Variants in ZNF675 observed in about 807,000 individuals in gnomAD.
The protein encoded by ZNF675 is zinc finger protein 675.
A neutral mutation model predicts 56.1 loss-of-function variants in ZNF675; 36 were observed. The observed-to-expected ratio is 0.64, with a 90% CI of 0.49 to 0.85. The LOEUF is 0.85. Among genes scored for constraint, ZNF675 ranks in the 40% least tolerant of loss-of-function variants. The pLI is 0.00. For synonymous variants in ZNF675, 200 were observed against 218.9 expected (o/e 0.91, Z 0.76); for missense variants, 663 against 654.2 (o/e 1.01, Z -0.15).
At position 23,653,032 on chromosome 19, in the gene ZNF675, T is replaced by C; in HGVS notation, c.*194A>G. 1.9e-6 allele frequency: 1 copy of C among 534,760 alleles called. No homozygotes were observed. Among genetic ancestry groups the C allele is most frequent in the Non-Finnish European group, 3.2e-6 (1 of 313,850 alleles). The allele number at this position is 534,760 out of a possible 1,614,324, so 33.1% of individuals were successfully genotyped here. A position where few individuals can be genotyped will look rare whatever the true frequency, so the allele number is the denominator to read the frequency against. Reference sequence around the variant, plus strand: ...TAAGTATAAACGCTTTCCTGTGCAATAAGGTTTGAGCCTTAATTAACAGTA... The same window carrying C: ...TAAGTATAAACGCTTTCCTGTGCAACAAGGTTTGAGCCTTAATTAACAGTA... On this transcript the variant is annotated 3_prime_UTR_variant, in exon 4 of 4. Coordinates refer to ENST00000359788, the MANE Select transcript of ZNF675 (RefSeq NM_138330.3).
intron 1 of ZNF675, among the ~76,000 whole-genome samples, chr19:23,664,062 A>G (rs1179238930): frequency 6.6e-6 from 1 of 152,214 alleles, no homozygotes; most frequent in Non-Finnish European, 1.5e-5. Context: ...TGACTATCAT[A>G]AGAGTTTTTA....
At position 23,653,220 on chromosome 19, in the gene ZNF675, T is replaced by C. The variant is rs754511317; in HGVS notation, c.*6A>G. 18 of 1,554,318 alleles carry C rather than the reference T, an allele frequency of 1.2e-5. No homozygotes were observed. Among genetic ancestry groups the C allele is most frequent in the Non-Finnish European group, 1.6e-5 (18 of 1,154,092 alleles). On this transcript the variant is annotated 3_prime_UTR_variant, in exon 4 of 4. Transcript: ENST00000359788. Reference sequence around the variant, plus strand: ...AGAAAAATTTGAGGTGTTGTCAAAATCATTATCACACATTCCAGTTCTGTA... The same window carrying C: ...AGAAAAATTTGAGGTGTTGTCAAAACCATTATCACACATTCCAGTTCTGTA...
chr19:23,668,011 A>G (rs868550689), intron 1 of ZNF675, among the ~76,000 whole-genome samples: 3 of 149,894 alleles, frequency 2.0e-5, no homozygotes, highest in Non-Finnish European at 3.0e-5. Flanking sequence ...GCACTCATAA[A>G]CCCTGAGCTA....
intron 1 of ZNF675, among the ~76,000 whole-genome samples, chr19:23,671,393 C>CTG (rs2068863073): frequency 6.6e-6 from 1 of 152,088 alleles, no homozygotes; most frequent in Non-Finnish European, 1.5e-5. Flanking sequence ...GTCCTGAATG[C>CTG]CCGAAGAGCA....
chr19:23,666,061 A>C (rs1968147098), intron 1 of ZNF675, among the ~76,000 whole-genome samples: 1 of 152,238 alleles, frequency 6.6e-6, no homozygotes, highest in African/African-American at 2.4e-5. Context: ...ATGAGGCAAG[A>C]GAATAGGGTC....
intron 3 of ZNF675, among the ~76,000 whole-genome samples, chr19:23,657,442 G>A (rs955641693): frequency 1.3e-5 from 2 of 152,210 alleles, no homozygotes; most frequent in Non-Finnish European, 2.9e-5. Context: ...CTCACCGGGT[G>A]TGGTGGCTCA....
intron 3 of ZNF675, among the ~76,000 whole-genome samples, chr19:23,657,393 A>G (rs1005989174): frequency 9.2e-5 from 14 of 152,358 alleles, no homozygotes; most frequent in African/African-American, 3.1e-4. Context: ...CAAAAGAAAT[A>G]TATATTTATT....
chr19:23,657,722 GAACA>G (rs980847496), intron 3 of ZNF675, among the ~76,000 whole-genome samples: 3 of 151,274 alleles, frequency 2.0e-5, no homozygotes, highest in Non-Finnish European at 4.4e-5. Context: ...CATCTCAAAA[GAACA>G]AAAAAGACTA....
intron 1 of ZNF675, among the ~76,000 whole-genome samples, chr19:23,667,878 T>G (rs145395879): frequency 7.0e-6 from 1 of 142,852 alleles, no homozygotes; most frequent in African/African-American, 2.7e-5. Flanking sequence ...GGGTGCTGAT[T>G]GGTGTGTTTA....
rs1231971320 is a variant in ZNF675, at chr19:23,674,590, C to T, written c.4-11432G>A. Among the ~76,000 whole-genome samples the T allele has an allele frequency of 1.3e-5, 2 of 149,224 alleles. 1 individual carries two copies. Among genetic ancestry groups the T allele is most frequent in the African/African-American group, 5.0e-5 (2 of 39,788 alleles). ...CCCAGGAGACGGAGGTTGCAGTGAG[C>T]CTGGTCGACAGAACGAGACTCCGTC... On this transcript the variant is annotated intron_variant, in intron 1 of 3. Coordinates refer to ENST00000359788, the MANE Select transcript of ZNF675 (RefSeq NM_138330.3).
intron 1 of ZNF675, among the ~76,000 whole-genome samples, chr19:23,676,160 T>G (rs1056017872): frequency 1.3e-5 from 2 of 151,408 alleles, no homozygotes; most frequent in Non-Finnish European, 2.9e-5. Flanking sequence ...AAAAAAGAAA[T>G]TGAACCCCTG....
intron 1 of ZNF675, among the ~76,000 whole-genome samples, chr19:23,679,027 C>T (rs1421095754): frequency 6.6e-5 from 10 of 150,494 alleles, no homozygotes; most frequent in Non-Finnish European, 1.0e-4. Flanking sequence ...ATTAGCCGGG[C>T]GTGGTGGCAG....
At chr19:23,665,653 A>T (rs926224826) in intron 1 of ZNF675, among the ~76,000 whole-genome samples, 3 of 151,896 alleles carry the variant, frequency 2.0e-5, no homozygotes, top group African/African-American at 7.2e-5. Context: ...CTGCCACCAC[A>T]AGCAGCTAAT....
At position 23,653,036 on chromosome 19, in the gene ZNF675, G is replaced by T; in HGVS notation, c.*190C>A. 1.8e-6 allele frequency: 1 copy of T among 558,544 alleles called. No individual in the cohort carries two copies. Among genetic ancestry groups the T allele is most frequent in the Non-Finnish European group, 3.0e-6 (1 of 329,214 alleles). The allele number at this position is 558,544 out of a possible 1,614,324, so 34.6% of individuals were successfully genotyped here. A position where few individuals can be genotyped will look rare whatever the true frequency, so the allele number is the denominator to read the frequency against. Reference sequence around the variant, plus strand: ...TATAAACGCTTTCCTGTGCAATAAGGTTTGAGCCTTAATTAACAGTATTGC... The same window carrying T: ...TATAAACGCTTTCCTGTGCAATAAGTTTTGAGCCTTAATTAACAGTATTGC... On this transcript the variant is annotated 3_prime_UTR_variant, in exon 4 of 4. Coordinates refer to ENST00000359788, the MANE Select transcript of ZNF675 (RefSeq NM_138330.3).
rs1339667914 is a variant in ZNF675, at chr19:23,653,137, CTT to C, written c.*87_*88del. The C allele has an allele frequency of 8.1e-5, 100 of 1,239,254 alleles. 1 individual carries two copies. In the East Asian group the frequency reaches 2.3e-3, roughly 29 times the overall value. 76.8% of individuals were successfully genotyped at this position (1,239,254 alleles called of 1,614,324 possible). On this transcript the variant is annotated 3_prime_UTR_variant, in exon 4 of 4. Coordinates refer to ENST00000359788, the MANE Select transcript of ZNF675 (RefSeq NM_138330.3). Reference sequence around the variant, plus strand: ...ATGAAGTGTGAAAACCATTTAAAGTCTTTGACACATTCTTTACATTTCTAGAA... The same window carrying C: ...ATGAAGTGTGAAAACCATTTAAAGTCTGACACATTCTTTACATTTCTAGAA...
chr19:23,658,895 A>AGATC (rs1968033993), intron 3 of ZNF675, among the ~76,000 whole-genome samples: 1 of 10,106 alleles, frequency 9.9e-5, no homozygotes, highest in African/African-American at 1.3e-4. Context: ...ATATAGATCT[A>AGATC]TAGATATCTA....
chr19:23,669,211 G>C (rs560301262), intron 1 of ZNF675, among the ~76,000 whole-genome samples: 4 of 152,190 alleles, frequency 2.6e-5, no homozygotes, highest in Admixed American at 2.0e-4. Flanking sequence ...GAGCAAACAG[G>C]GCTGCCTGTC....
At chr19:23,679,856 G>A (rs1359656692) in intron 1 of ZNF675, among the ~76,000 whole-genome samples, 1 of 150,972 alleles carries the variant, frequency 6.6e-6, no homozygotes, top group Non-Finnish European at 1.5e-5. Context: ...CAGGCGTGGT[G>A]GCAGGTGCCT....
chr19:23,670,051 G>A (rs766504518), intron 1 of ZNF675, among the ~76,000 whole-genome samples: 5 of 151,886 alleles, frequency 3.3e-5, no homozygotes, highest in Admixed American at 3.3e-4. Flanking sequence ...GAAAAATTTG[G>A]GTCACCTAAT....
Sources: gnomAD v4.1 joint callset for allele counts (sites outside exome capture counted in the v4.1 genomes callset) on GRCh38, gnomAD v4.1.1 for gene constraint, MANE v1.5 for transcripts, NCBI Gene and HGNC (gene_info 2026-07-23, HGNC 2026-07-21) for gene names.